The following SSTR2 variants were observed in gnomAD, a reference collection of about 807,000 sequenced individuals.
The protein encoded by SSTR2 is somatostatin receptor 2, also known as somatostatin receptor type 2.
A neutral mutation model predicts 21.4 loss-of-function variants in SSTR2; 10 were observed. The ratio of observed to expected loss-of-function variants is 0.47; its 90% CI spans 0.29 to 0.79. The LOEUF (loss-of-function observed/expected upper bound fraction) is 0.79. Among genes scored for constraint, SSTR2 ranks in the 30% least tolerant of loss-of-function variants. The probability of loss-of-function intolerance (pLI) is 0.10; values close to 1 mark genes in which losing one functional copy is unlikely to be tolerated. For missense variants in SSTR2, 364 were observed against 468.8 expected (o/e 0.78, Z 2.06); for synonymous variants, 177 against 181.3 (o/e 0.98, Z 0.19).
chr17:73,173,662 G>A lies in SSTR2; in HGVS notation c.*3233G>A, dbSNP rs2061241711. On this transcript the variant is annotated 3_prime_UTR_variant, in exon 2 of 2. Coordinates refer to ENST00000357585, the MANE Select transcript of SSTR2 (RefSeq NM_001050.3). The stretch of plus-strand genomic sequence containing the variant: ...GATTTCAGAGTATCTGATCACTTGG[G>A]TTATGCAAGCTGCTACTTACCCGCC... 1 of 152,142 alleles carries A rather than the reference G, an allele frequency of 6.6e-6. No individual in the cohort carries two copies. The highest frequency in any genetic ancestry group is 2.1e-4 in the South Asian group (1 of 4,832). The allele number at this position is 152,142 out of a possible 1,614,324, so 9.4% of individuals were successfully genotyped here.
Position 73,175,903 on chromosome 17 carries a change from C to G in SSTR2, c.*5474C>G, listed in dbSNP as rs187196625. 3.3e-5 allele frequency: 5 copies of G among 152,252 alleles called. No homozygotes were observed. Among genetic ancestry groups the G allele is most frequent in the African/African-American group, 9.6e-5 (4 of 41,526 alleles). The allele number at this position is 152,252 out of a possible 1,614,324, so 9.4% of individuals were successfully genotyped here. ...AGTTGCTTAAGCCATAGAGAAGGCC[C>G]CTTTGCAGTGGGAGTCACTGAAGAC... On this transcript the variant is annotated 3_prime_UTR_variant, in exon 2 of 2. Coordinates refer to ENST00000357585, the MANE Select transcript of SSTR2 (RefSeq NM_001050.3).
At position 73,170,463 on chromosome 17, in the gene SSTR2, C is replaced by G. The variant is rs749780945; in HGVS notation, c.*34C>G. 11 of 1,599,380 alleles carry G rather than the reference C, an allele frequency of 6.9e-6. No homozygotes were observed. The highest frequency in any genetic ancestry group is 9.4e-6 in the Non-Finnish European group (11 of 1,171,780). ...GGGGGTGGGAAAGAACCAAGCCATGCTCTGTCTACTGGCAATGGGCTCCCT... is the reference window on the plus strand; with the variant it reads ...GGGGGTGGGAAAGAACCAAGCCATGGTCTGTCTACTGGCAATGGGCTCCCT... On this transcript the variant is annotated 3_prime_UTR_variant, in exon 2 of 2. Coordinates refer to ENST00000357585, the MANE Select transcript of SSTR2 (RefSeq NM_001050.3).
rs1352008175 is a variant in SSTR2 at position 73,176,186 on chromosome 17, T to A, written c.*5757T>A. ...TCTGCCCTCCCAGTAGGCTGGGCTATCAGTTCCTGGGAGGGGTCCTGTCCC... is the reference window on the plus strand; with the variant it reads ...TCTGCCCTCCCAGTAGGCTGGGCTAACAGTTCCTGGGAGGGGTCCTGTCCC... On this transcript the variant is annotated 3_prime_UTR_variant, in exon 2 of 2. Coordinates refer to ENST00000357585, the MANE Select transcript of SSTR2 (RefSeq NM_001050.3). 1 of 152,236 alleles carries A rather than the reference T, an allele frequency of 6.6e-6. No homozygotes were observed. The highest frequency in any genetic ancestry group is 1.5e-5 in the Non-Finnish European group (1 of 68,054). 9.4% of individuals were successfully genotyped at this position (152,236 alleles called of 1,614,324 possible).
Position 73,174,244 on chromosome 17 carries a change from A to G in SSTR2, c.*3815A>G, listed in dbSNP as rs188843192. The G allele has an allele frequency of 6.6e-6, 1 of 152,272 alleles. No homozygotes were observed. The highest frequency in any genetic ancestry group is 1.9e-4 in the East Asian group (1 of 5,190). The allele number at this position is 152,272 out of a possible 1,614,324, so 9.4% of individuals were successfully genotyped here. On this transcript the variant is annotated 3_prime_UTR_variant, in exon 2 of 2. Coordinates refer to ENST00000357585, the MANE Select transcript of SSTR2 (RefSeq NM_001050.3). ...CAGAGAGGAACACGCGGGCCAGTGG[A>G]TGAGGCTTCTAGACCTGGCAGTGAA...
At chr17:73,165,310 G>GTT (rs2061212244) in intron 1 of SSTR2, 22 bp downstream of exon 1, 1 of 146,838 alleles carries the variant, frequency 6.8e-6, no homozygotes, top group Admixed American at 7.4e-5. Context: ...GTGTGTGTGT[G>GTT]TGTGTGTGTG....
At position 73,170,713 on chromosome 17, in the gene SSTR2, C is replaced by CA. The variant is rs1568286624; in HGVS notation, c.*289dup. On this transcript the variant is annotated 3_prime_UTR_variant, in exon 2 of 2. Transcript: ENST00000357585. ...GCCTGGATATGATCTTTAGAAACAACAAAAATAGAAAAAAATAAGTATCTG... is the reference window on the plus strand; with the variant it reads ...GCCTGGATATGATCTTTAGAAACAACAAAAAATAGAAAAAAATAAGTATCTG... The CA allele has an allele frequency of 1.7e-6, 1 of 598,234 alleles. No homozygotes were observed. Among genetic ancestry groups the CA allele is most frequent in the East Asian group, 3.9e-5 (1 of 25,402 alleles). 37.1% of individuals were successfully genotyped at this position (598,234 alleles called of 1,614,324 possible).
Position 73,170,182 on chromosome 17 carries a change from C to T in SSTR2, c.863C>T (p.Pro288Leu). 1 of 1,614,192 alleles carries T rather than the reference C, an allele frequency of 6.2e-7. No homozygotes were observed. The highest frequency in any genetic ancestry group is 1.7e-5 in the Admixed American group (1 of 60,024). Residue 288 changes from proline to leucine, a missense_variant, in exon 2 of 2, where the codon CCA becomes CTA. Transcript: ENST00000357585. The stretch of plus-strand genomic sequence containing the variant: ...GTCTCCATGGCCATCAGCCCCACCC[C>T]AGCCCTTAAAGGCATGTTTGACTTT... ...SSVSMAISPT[P>L]ALKGMFDFVV...
chr17:73,170,576 G>A lies in SSTR2; in HGVS notation c.*147G>A. The A allele has an allele frequency of 3.0e-6, 3 of 1,012,292 alleles. No homozygotes were observed. The highest frequency in any genetic ancestry group is 4.6e-6 in the Non-Finnish European group (3 of 656,050). The allele number at this position is 1,012,292 out of a possible 1,614,324, so 62.7% of individuals were successfully genotyped here. A position where few individuals can be genotyped will look rare whatever the true frequency, so the allele number is the denominator to read the frequency against. ...GCATGAGTCCAATTCAGAGAACGGT[G>A]TTTGAGTCAGCTTGTCTGATTGAAT... is the stretch of plus-strand genomic sequence containing the variant. On this transcript the variant is annotated 3_prime_UTR_variant, in exon 2 of 2. Transcript: ENST00000357585.
chr17:73,165,942 G>GCC (rs398041871), intron 1 of SSTR2, among the ~76,000 whole-genome samples: 7,837 of 141,996 alleles, frequency 0.055, 336 homozygotes, highest in African/African-American at 0.12. Flanking sequence ...TGTCCTCAGC[G>GCC]CCCCCCCCCC....
chr17:73,166,435 T>C (rs555146081), intron 1 of SSTR2, among the ~76,000 whole-genome samples: 2 of 135,350 alleles, frequency 1.5e-5, no homozygotes, highest in East Asian at 4.3e-4. Context: ...TCACAGCCCC[T>C]ATGTAAAAGG....
Position 73,170,795 on chromosome 17 carries a change from T to C in SSTR2, c.*366T>C, listed in dbSNP as rs563031254. ...TCTTGTGTTTTTATATGTATACTTG[T>C]ATATTCCTATTTATTCTCTGTATAG... On this transcript the variant is annotated 3_prime_UTR_variant, in exon 2 of 2. Transcript: ENST00000357585. The C allele has an allele frequency of 2.5e-5, 12 of 474,842 alleles. No individual in the cohort carries two copies. The East Asian group carries it at 8.0e-4, about 32-fold the overall frequency. 29.4% of individuals were successfully genotyped at this position (474,842 alleles called of 1,614,324 possible).
rs780861427 is a variant in SSTR2 at position 73,170,187 on chromosome 17, C to G, written c.868C>G (p.Leu290Val). ...VSMAISPTPA[L>V]KGMFDFVVVL... ...CATGGCCATCAGCCCCACCCCAGCC[C>G]TTAAAGGCATGTTTGACTTTGTGGT... Residue 290 changes from leucine to valine, a missense_variant, in exon 2 of 2, where the codon CTT becomes GTT. By Grantham distance (32) the Leu-to-Val change is conservative. This residue lies in a region of SSTR2 where 193 missense variants were observed against 273.1 expected (regional missense o/e 0.71). Transcript: ENST00000357585. The G allele has an allele frequency of 6.2e-7, 1 of 1,614,066 alleles. No homozygotes were observed. Among genetic ancestry groups the G allele is most frequent in the South Asian group, 1.1e-5 (1 of 91,082 alleles).
chr17:73,170,462 GCT>G lies in SSTR2; in HGVS notation c.*36_*37del, dbSNP rs1332080247. 1.9e-6 allele frequency: 3 copies of G among 1,600,306 alleles called. No individual in the cohort carries two copies. The African/African-American group carries it at 4.0e-5, about 21-fold the overall frequency. On this transcript the variant is annotated 3_prime_UTR_variant, in exon 2 of 2. Coordinates refer to ENST00000357585, the MANE Select transcript of SSTR2 (RefSeq NM_001050.3). ...GGGGGGTGGGAAAGAACCAAGCCAT[GCT>G]CTGTCTACTGGCAATGGGCTCCCTA...
intron 1 of SSTR2, among the ~76,000 whole-genome samples, chr17:73,168,933 A>C (rs1050264440): frequency 1.3e-5 from 2 of 152,200 alleles, no homozygotes; most frequent in African/African-American, 2.4e-5. Context: ...GCCTTTCTGC[A>C]GTTTAGATCA....
In SSTR2 at chr17:73,174,609, G is replaced by A. The variant is rs2061244491; in HGVS notation, c.*4180G>A. On this transcript the variant is annotated 3_prime_UTR_variant, in exon 2 of 2. Coordinates refer to ENST00000357585, the MANE Select transcript of SSTR2 (RefSeq NM_001050.3). ...AAAAGAAAAAAAGATTCATATTCCT[G>A]ATCAGCTCTGAATGTGACTATTCAA... is the stretch of plus-strand genomic sequence containing the variant. 1 of 151,924 alleles carries A rather than the reference G, an allele frequency of 6.6e-6. No individual in the cohort carries two copies. Among genetic ancestry groups the A allele is most frequent in the African/African-American group, 2.4e-5 (1 of 41,350 alleles). The allele number at this position is 151,924 out of a possible 1,614,324, so 9.4% of individuals were successfully genotyped here. A position where few individuals can be genotyped will look rare whatever the true frequency, so the allele number is the denominator to read the frequency against.
At chr17:73,166,351 CTG>C (rs1267503432) in intron 1 of SSTR2, among the ~76,000 whole-genome samples, 3 of 151,090 alleles carry the variant, frequency 2.0e-5, no homozygotes, top group Non-Finnish European at 4.4e-5. Flanking sequence ...AGAGGAGAAA[CTG>C]AAGCTGAGTA....
Position 73,176,500 on chromosome 17 carries a change from G to A in SSTR2, c.*6071G>A, listed in dbSNP as rs917356933. 3 of 152,074 alleles carry A rather than the reference G, an allele frequency of 2.0e-5. No individual in the cohort carries two copies. Among genetic ancestry groups the A allele is most frequent in the Admixed American group, 6.6e-5 (1 of 15,254 alleles). 9.4% of individuals were successfully genotyped at this position (152,074 alleles called of 1,614,324 possible). On this transcript the variant is annotated 3_prime_UTR_variant, in exon 2 of 2. Transcript: ENST00000357585. ...TTATAAGGGGCTTTCCCCCTCCTTC[G>A]CTCTGCACTTCTCCTTGCTGCCATG...
In SSTR2 at chr17:73,174,794, T is replaced by G. The variant is rs1161295252; in HGVS notation, c.*4365T>G. ...AAAAATAGTAAAATATAAAAACAAA[T>G]TAGTGTTTTATAGACCCTGGGGAAA... On this transcript the variant is annotated 3_prime_UTR_variant, in exon 2 of 2. Coordinates refer to ENST00000357585, the MANE Select transcript of SSTR2 (RefSeq NM_001050.3). The G allele has an allele frequency of 6.5e-6, 1 of 153,182 alleles. No individual in the cohort carries two copies. Among genetic ancestry groups the G allele is most frequent in the Non-Finnish European group, 1.5e-5 (1 of 68,038 alleles). The allele number at this position is 153,182 out of a possible 1,614,324, so 9.5% of individuals were successfully genotyped here.
At position 73,176,256 on chromosome 17, in the gene SSTR2, T is replaced by C. The variant is rs1253875096; in HGVS notation, c.*5827T>C. 6.6e-6 allele frequency: 1 copy of C among 152,220 alleles called. No homozygotes were observed. Among genetic ancestry groups the C allele is most frequent in the Non-Finnish European group, 1.5e-5 (1 of 68,040 alleles). 9.4% of individuals were successfully genotyped at this position (152,220 alleles called of 1,614,324 possible). On this transcript the variant is annotated 3_prime_UTR_variant, in exon 2 of 2. Transcript: ENST00000357585. ...ATTGCTGAGTACGCTGATATCTTTT[T>C]CATGGGTATGATTTTTTAACAAGAA...
Sources: allele counts gnomAD v4.1 joint callset (sites outside exome capture counted in the v4.1 genomes callset), GRCh38; gene constraint gnomAD v4.1.1; regional missense constraint gnomAD v4.1.1; transcripts MANE v1.5; gene names NCBI Gene and HGNC (gene_info 2026-07-23, HGNC 2026-07-21).